Variants in FNDC3B observed in about 807,000 individuals in gnomAD.
FNDC3B encodes fibronectin type III domain-containing protein 3B.
Under a neutral mutation model 151.5 loss-of-function variants are expected in FNDC3B, and 12 were observed. That is an observed-to-expected ratio of 0.08 (90% CI 0.05 to 0.13). The LOEUF (loss-of-function observed/expected upper bound fraction) is 0.13, where lower values mean the gene tolerates loss of function less well. Among genes scored for constraint, FNDC3B ranks in the 10% least tolerant of loss-of-function variants. The pLI, the probability that FNDC3B is intolerant of heterozygous loss-of-function variation, is 1.00. For synonymous variants in FNDC3B, 528 were observed against 549.0 expected, an observed-to-expected ratio of 0.96 and a Z score of 0.54; for missense variants, 1,214 against 1,505.3, an observed-to-expected ratio of 0.81 and a Z score of 3.20.
At position 172,247,764 on chromosome 3, in the gene FNDC3B, T is replaced by C; in HGVS notation, c.496T>C (p.Tyr166His). The C allele has an allele frequency of 6.2e-7, 1 of 1,614,072 alleles. No individual in the cohort carries two copies. The highest frequency in any genetic ancestry group is 8.5e-7 in the Non-Finnish European group (1 of 1,179,992). ...CCAGCATCATCTTCCCCACACAATA[T>C]ATGGTGAGCAAGGTGAGTAGATTTT... ...FPQHHLPHTI[Y>H]GEQEIIPFYG... The change falls in exon 5 of 26, where the codon TAT (tyrosine) becomes CAT (histidine). Residue 166 changes from tyrosine (Y) to histidine (H), a missense_variant. Coordinates refer to ENST00000415807, the MANE Select transcript of FNDC3B (RefSeq NM_022763.4).
At chr3:172,166,411 C>T (rs953469560) in intron 3 of FNDC3B, among the ~76,000 whole-genome samples, 2 of 152,054 alleles carry the variant, frequency 1.3e-5, no homozygotes, top group African/African-American at 4.8e-5. Flanking sequence ...GCGGTTTGAC[C>T]TCCCACCATT....
At chr3:172,127,188 G>T in intron 2 of FNDC3B, 4 of 424,000 alleles carry the variant, frequency 9.4e-6, no homozygotes, top group South Asian at 6.8e-5. Flanking sequence ...AGAAAAAGAA[G>T]TTGGGGGTAG....
intron 9 of FNDC3B, 155 bp from the exon 10 acceptor site, chr3:172,307,208 G>T: frequency 1.4e-6 from 1 of 721,580 alleles, no homozygotes; most frequent in East Asian, 2.6e-5. Context: ...GCTAACCATA[G>T]GTCAGGACAA....
intron 3 of FNDC3B, among the ~76,000 whole-genome samples, chr3:172,219,034 CCA>C (rs1322482946): frequency 6.6e-6 from 1 of 152,190 alleles, no homozygotes; most frequent in Non-Finnish European, 1.5e-5. Context: ...CCCTGTTGTT[CCA>C]TCTCTTGCCT....
intron 1 of FNDC3B, among the ~76,000 whole-genome samples, chr3:172,103,651 A>T (rs1033993629): frequency 2.0e-5 from 3 of 152,122 alleles, no homozygotes; most frequent in African/African-American, 7.2e-5. Flanking sequence ...ATTTATTTTA[A>T]TCTGAAGTGG....
intron 3 of FNDC3B, among the ~76,000 whole-genome samples, chr3:172,165,603 T>C (rs911114669): frequency 3.9e-5 from 6 of 152,246 alleles, no homozygotes; most frequent in African/African-American, 1.4e-4. Flanking sequence ...ATACTGTAGA[T>C]TGAACTTTCA....
At chr3:172,180,286 A>G (rs1723825285) in intron 3 of FNDC3B, among the ~76,000 whole-genome samples, 1 of 152,040 alleles carries the variant, frequency 6.6e-6, no homozygotes, top group African/African-American at 2.4e-5. Context: ...CCCCTTGCAG[A>G]CCTGTTGAGG....
intron 1 of FNDC3B, among the ~76,000 whole-genome samples, chr3:172,065,725 C>T (rs928354601): frequency 6.6e-6 from 1 of 152,154 alleles, no homozygotes; most frequent in Admixed American, 6.5e-5. Context: ...TGGAGTAGCT[C>T]CAGATGGTCA....
intron 6 of FNDC3B, among the ~76,000 whole-genome samples, chr3:172,257,899 CTT>C (rs1728441922): frequency 6.6e-6 from 1 of 152,116 alleles, no homozygotes; most frequent in African/African-American, 2.4e-5. Context: ...ACTGCTGGCT[CTT>C]TGAGTGCCAA....
intron 20 of FNDC3B, among the ~76,000 whole-genome samples, chr3:172,346,845 A>G (rs1027329400): frequency 6.6e-6 from 1 of 152,068 alleles, no homozygotes; most frequent in African/African-American, 2.4e-5. Context: ...CTGGGATTAC[A>G]GGTGCCCACC....
At chr3:172,259,490 A>C (rs768668718) in intron 6 of FNDC3B, among the ~76,000 whole-genome samples, 2 of 152,224 alleles carry the variant, frequency 1.3e-5, no homozygotes, top group Non-Finnish European at 2.9e-5. Flanking sequence ...CTGTTTCATA[A>C]GGAGCATGCT....
At chr3:172,134,909 G>A (rs1016106164) in intron 3 of FNDC3B, among the ~76,000 whole-genome samples, 1 of 151,454 alleles carries the variant, frequency 6.6e-6, no homozygotes, top group African/African-American at 2.4e-5. Context: ...GGACTATAGA[G>A]TCTTTCACCT....
intron 4 of FNDC3B, among the ~76,000 whole-genome samples, chr3:172,242,760 G>A (rs143112652): frequency 0.011 from 1,674 of 152,298 alleles, 27 homozygotes; most frequent in African/African-American, 0.039. Context: ...ATTGTCTTGC[G>A]GATTAACATT....
chr3:172,236,645 G>A (rs1178604717), intron 4 of FNDC3B, among the ~76,000 whole-genome samples: 7 of 152,094 alleles, frequency 4.6e-5, no homozygotes, highest in Non-Finnish European at 8.8e-5. Context: ...GAGAAGCTTA[G>A]CCCTCTAACC....
chr3:172,365,150 C>A (rs1286889373), intron 23 of FNDC3B, among the ~76,000 whole-genome samples: 3 of 152,144 alleles, frequency 2.0e-5, no homozygotes, highest in African/African-American at 7.2e-5. Context: ...TTGGATACAT[C>A]ATAATACTTT....
At chr3:172,151,550 A>T (rs1227026478) in intron 3 of FNDC3B, among the ~76,000 whole-genome samples, 2 of 152,184 alleles carry the variant, frequency 1.3e-5, no homozygotes, top group Non-Finnish European at 2.9e-5. Flanking sequence ...CTTCACTTGC[A>T]TAATAACTAA....
chr3:172,255,272 CT>C (rs1312937829), intron 6 of FNDC3B, among the ~76,000 whole-genome samples: 2 of 152,044 alleles, frequency 1.3e-5, no homozygotes, highest in Admixed American at 6.6e-5. Flanking sequence ...CTTCCAGGCT[CT>C]TTTTTTTCTT....
intron 11 of FNDC3B, among the ~76,000 whole-genome samples, chr3:172,316,997 G>A (rs986682108): frequency 1.3e-5 from 2 of 152,164 alleles, no homozygotes; most frequent in Non-Finnish European, 1.5e-5. Context: ...CAGCGCAAGC[G>A]TGAGAGAGGG....
intron 12 of FNDC3B, chr3:172,329,746 A>G (rs1007439814): frequency 6.6e-6 from 1 of 152,090 alleles, no homozygotes; most frequent in African/African-American, 2.4e-5. Context: ...CCTCTTTCCA[A>G]CCTAAAGAAC....
Sources: allele counts gnomAD v4.1 joint callset (sites outside exome capture counted in the v4.1 genomes callset), GRCh38; gene constraint gnomAD v4.1.1; transcripts MANE v1.5; gene names NCBI Gene and HGNC (gene_info 2026-07-23, HGNC 2026-07-21).